ADGRL3: variants seen among roughly 807,000 people sequenced by gnomAD.
ADGRL3 encodes the protein calcium-independent alpha-latrotoxin receptor 3.
Under a neutral mutation model 153.5 loss-of-function variants are expected in ADGRL3, and 62 were observed. The observed-to-expected ratio is 0.40, with a 90% CI of 0.33 to 0.50. The LOEUF (loss-of-function observed/expected upper bound fraction) is 0.50. ADGRL3 is among the 20% of genes least tolerant of loss of function. The pLI, the probability that ADGRL3 is intolerant of heterozygous loss-of-function variation, is 0.47. For synonymous variants in ADGRL3, 710 were observed against 672.5 expected (o/e 1.06, Z -0.86); for missense variants, 1,641 against 1,859.4 (o/e 0.88, Z 2.16).
At chr4:61,565,630 C>T (rs1016990562) in intron 4 of ADGRL3, among the ~76,000 whole-genome samples, 4 of 151,950 alleles carry the variant, frequency 2.6e-5, no homozygotes, top group East Asian at 1.9e-4. Context: ...CTCTGCCTTC[C>T]GGGTTCAAGC....
intron 5 of ADGRL3, among the ~76,000 whole-genome samples, chr4:61,660,229 A>G (rs1580144989): frequency 6.6e-6 from 1 of 152,308 alleles, no homozygotes; most frequent in Non-Finnish European, 1.5e-5. Flanking sequence ...AAATATTTAC[A>G]TTTCCTCTAC....
At chr4:61,289,827 A>G (rs1437696490) in intron 1 of ADGRL3, among the ~76,000 whole-genome samples, 1 of 152,102 alleles carries the variant, frequency 6.6e-6, no homozygotes, top group Non-Finnish European at 1.5e-5. Flanking sequence ...CTGGCTCACT[A>G]CTTACAAGCT....
chr4:61,733,585 G>C, intron 8 of ADGRL3, 31 bp downstream of exon 8: 1 of 1,443,470 alleles, frequency 6.9e-7, no homozygotes, highest in Non-Finnish European at 9.6e-7. Context: ...TACTCTTTGG[G>C]GAAATATTTA....
At chr4:61,702,224 C>A (rs969794613) in intron 6 of ADGRL3, among the ~76,000 whole-genome samples, 1 of 152,210 alleles carries the variant, frequency 6.6e-6, no homozygotes. Flanking sequence ...TAATTTCAAT[C>A]TCCAGACTAG....
At chr4:61,515,332 A>G (rs935511734) in intron 3 of ADGRL3, among the ~76,000 whole-genome samples, 5 of 152,322 alleles carry the variant, frequency 3.3e-5, no homozygotes, top group African/African-American at 1.2e-4. Context: ...TGAAATCCCA[A>G]TTTATATTTT....
At chr4:61,649,944 A>T (rs1420806890) in intron 5 of ADGRL3, among the ~76,000 whole-genome samples, 1 of 152,152 alleles carries the variant, frequency 6.6e-6, no homozygotes, top group East Asian at 1.9e-4. Context: ...AGTAGAAGTG[A>T]CAAAGATTTA....
intron 1 of ADGRL3, among the ~76,000 whole-genome samples, chr4:61,332,307 A>T (rs781529208): frequency 4.6e-5 from 7 of 152,140 alleles, no homozygotes; most frequent in Non-Finnish European, 1.0e-4. Context: ...ATCACTGACA[A>T]ATTGATTTCT....
At chr4:61,899,310 C>G (rs1432097237) in intron 11 of ADGRL3, among the ~76,000 whole-genome samples, 4 of 152,110 alleles carry the variant, frequency 2.6e-5, no homozygotes, top group Non-Finnish European at 5.9e-5. Flanking sequence ...TCACACCCTT[C>G]TGCTCTGATC....
At chr4:61,215,762 C>T (rs937098085) in intron 1 of ADGRL3, among the ~76,000 whole-genome samples, 11 of 151,988 alleles carry the variant, frequency 7.2e-5, no homozygotes, top group Admixed American at 6.6e-4. Flanking sequence ...CCGTGTTAGC[C>T]AGGATGGTGT....
intron 21 of ADGRL3, among the ~76,000 whole-genome samples, chr4:62,012,634 AG>A (rs2099191834): frequency 6.6e-6 from 1 of 152,218 alleles, no homozygotes; most frequent in Non-Finnish European, 1.5e-5. Context: ...TTAATTTTTA[AG>A]AGATTGCCAT....
intron 1 of ADGRL3, among the ~76,000 whole-genome samples, chr4:61,343,039 T>A (rs10001314): frequency 0.8 from 122,198 of 152,042 alleles, 49,313 homozygotes; most frequent in East Asian, 0.98. Context: ...GAAACCTCTT[T>A]TAAAACCATG....
intron 5 of ADGRL3, among the ~76,000 whole-genome samples, chr4:61,599,417 C>T (rs2099001794): frequency 6.6e-6 from 1 of 152,180 alleles, no homozygotes; most frequent in Admixed American, 6.5e-5. Flanking sequence ...TGGGCTCCCT[C>T]CACCTCCTGG....
chr4:61,847,717 TAAAATATATTATATATATAATAC>T (rs1561350947), intron 9 of ADGRL3, among the ~76,000 whole-genome samples: 4 of 31,818 alleles, frequency 1.3e-4, no homozygotes, highest in Admixed American at 5.5e-4. Flanking sequence ...ATATATAATA[TAAAATATATTATATATATAATAC>T]AAAATATATT....
intron 6 of ADGRL3, among the ~76,000 whole-genome samples, chr4:61,689,476 A>G (rs2095501891): frequency 6.6e-6 from 1 of 152,208 alleles, no homozygotes; most frequent in African/African-American, 2.4e-5. Flanking sequence ...TAAGTGAAAT[A>G]GTCAATGATT....
chr4:62,010,096 AC>A (rs1295446903), intron 21 of ADGRL3, among the ~76,000 whole-genome samples: 1 of 151,846 alleles, frequency 6.6e-6, no homozygotes, highest in Non-Finnish European at 1.5e-5. Flanking sequence ...GCTTCTTGAA[AC>A]CCATTCTTTG....
chr4:61,781,142 C>T (rs765998791), intron 8 of ADGRL3, among the ~76,000 whole-genome samples: 1 of 151,938 alleles, frequency 6.6e-6, no homozygotes, highest in Non-Finnish European at 1.5e-5. Context: ...GCCTGACCAA[C>T]ATGGAGAAAC....
intron 9 of ADGRL3, among the ~76,000 whole-genome samples, chr4:61,891,006 C>A (rs955277544): frequency 3.9e-5 from 6 of 151,960 alleles, no homozygotes; most frequent in African/African-American, 7.3e-5. Context: ...CTTTCAATTG[C>A]ACTTAATATT....
At chr4:61,904,650 T>G (rs934207313) in intron 11 of ADGRL3, among the ~76,000 whole-genome samples, 1 of 147,552 alleles carries the variant, frequency 6.8e-6, no homozygotes, top group Non-Finnish European at 1.5e-5. Context: ...TAATTAATAT[T>G]GAAAACTATG....
At chr4:61,965,677 G>C (rs556580632) in intron 17 of ADGRL3, among the ~76,000 whole-genome samples, 104 of 152,140 alleles carry the variant, frequency 6.8e-4, no homozygotes, top group African/African-American at 2.2e-3. Flanking sequence ...CGTGAACCCA[G>C]AAGGTGGAGC....
Sources: gnomAD v4.1 joint callset for allele counts (sites outside exome capture counted in the v4.1 genomes callset) on GRCh38, gnomAD v4.1.1 for gene constraint, MANE v1.5 for transcripts, NCBI Gene and HGNC (gene_info 2026-07-23, HGNC 2026-07-21) for gene names.